The following UBE2G1 variants were observed in gnomAD, a reference collection of about 807,000 sequenced individuals.
UBE2G1 encodes ubiquitin-conjugating enzyme E2 G1.
A neutral mutation model predicts 22.7 loss-of-function variants in UBE2G1; 5 were observed. The ratio of observed to expected loss-of-function variants is 0.22; its 90% confidence interval spans 0.12 to 0.46. The LOEUF (loss-of-function observed/expected upper bound fraction) is 0.46, where lower values mean the gene tolerates loss of function less well. Among genes scored for constraint, UBE2G1 ranks in the 20% least tolerant of loss-of-function variants. The pLI is 0.99. For missense variants in UBE2G1, 88 were observed against 203.9 expected, an observed-to-expected ratio of 0.43 and a Z score of 3.46; for synonymous variants, 74 against 67.5, an observed-to-expected ratio of 1.10 and a Z score of -0.47.
intron 3 of UBE2G1, among the ~76,000 whole-genome samples, chr17:4,290,686 G>A (rs1338988194): frequency 2.2e-5 from 3 of 138,740 alleles, no homozygotes; most frequent in African/African-American, 5.2e-5. Context: ...TCACTATGTT[G>A]CCCAGGCTGG....
rs770085725 is a variant in UBE2G1 at position 4,282,799 on chromosome 17, C to T, written c.*36G>A. 6 of 1,571,786 alleles carry T rather than the reference C, an allele frequency of 3.8e-6. No homozygotes were observed. The highest frequency in any genetic ancestry group is 1.8e-5 in the Admixed American group (1 of 54,878). On this transcript the variant is annotated splice_region_variant and 3_prime_UTR_variant, in exon 5 of 6. Transcript: ENST00000396981. ...GTATGATATTTAAAATAAACTTACC[C>T]TGAAATAAGTGAAGTTACTAGCTGC...
At chr17:4,311,882 A>G (rs182636595) in intron 1 of UBE2G1, among the ~76,000 whole-genome samples, 1 of 152,308 alleles carries the variant, frequency 6.6e-6, no homozygotes, top group East Asian at 1.9e-4. Context: ...GAGGTTTGTC[A>G]AGAGAGGGGA....
intron 1 of UBE2G1, among the ~76,000 whole-genome samples, chr17:4,311,218 C>A (rs538564033): frequency 2.5e-3 from 383 of 152,184 alleles, no homozygotes; most frequent in African/African-American, 8.7e-3. Context: ...CAGAGCCAGA[C>A]CTTGTCTCAG....
intron 1 of UBE2G1, among the ~76,000 whole-genome samples, chr17:4,321,130 A>T (rs1969432220): frequency 6.6e-6 from 1 of 152,132 alleles, no homozygotes; most frequent in Non-Finnish European, 1.5e-5. Flanking sequence ...AGCCTGAACA[A>T]TAGAGGAAGA....
At chr17:4,359,127 T>A (rs1032944059) in intron 1 of UBE2G1, among the ~76,000 whole-genome samples, 37 of 152,194 alleles carry the variant, frequency 2.4e-4, no homozygotes, top group Non-Finnish European at 3.2e-4. Flanking sequence ...AGAACTTTTT[T>A]AAAAATTCCT....
intron 4 of UBE2G1, 31 bp downstream of exon 4, chr17:4,289,188 CAAGGGAAAGTG>C: frequency 6.8e-7 from 1 of 1,465,590 alleles, no homozygotes; most frequent in East Asian, 2.5e-5. Flanking sequence ...GGTTTTATTA[CAAGGGAAAGTG>C]AAGGGAAGGG....
chr17:4,352,223 G>A (rs1239699562), intron 1 of UBE2G1, among the ~76,000 whole-genome samples: 1 of 152,012 alleles, frequency 6.6e-6, no homozygotes, highest in Non-Finnish European at 1.5e-5. Context: ...TCTCTATGTA[G>A]ATCTAATTTA....
At position 4,362,359 on chromosome 17, in the gene UBE2G1, G is replaced by A. The variant is rs1206253279; in HGVS notation, c.46+3912C>T. ...TCTGGGATGATTTTGTCCCTCAGGAGACATTTGGCAATGGAGACATTTATG... is the reference window on the plus strand; with the variant it reads ...TCTGGGATGATTTTGTCCCTCAGGAAACATTTGGCAATGGAGACATTTATG... On this transcript the variant is annotated intron_variant, in intron 1 of 5. Coordinates refer to ENST00000396981, the MANE Select transcript of UBE2G1 (RefSeq NM_003342.5). 2.0e-5 allele frequency among the ~76,000 whole-genome samples: 3 copies of A among 152,304 alleles called. No individual in the cohort carries two copies. The East Asian group carries it at 5.8e-4, about 29-fold the overall frequency.
intron 1 of UBE2G1, among the ~76,000 whole-genome samples, chr17:4,329,414 C>T (rs1210670815): frequency 6.6e-6 from 1 of 151,186 alleles, no homozygotes; most frequent in Non-Finnish European, 1.5e-5. Context: ...AAAAATTAGC[C>T]GGGCATGGTG....
intron 1 of UBE2G1, among the ~76,000 whole-genome samples, chr17:4,338,559 T>A (rs898403145): frequency 2.6e-5 from 4 of 152,242 alleles, no homozygotes; most frequent in African/African-American, 9.6e-5. Context: ...TAAACTATCC[T>A]ATGAAACAGA....
intron 1 of UBE2G1, among the ~76,000 whole-genome samples, chr17:4,327,355 C>A (rs144491706): frequency 6.6e-6 from 1 of 151,996 alleles, no homozygotes; most frequent in East Asian, 1.9e-4. Flanking sequence ...CACCCCTAAT[C>A]CAGCTACTTG....
At chr17:4,337,610 G>A (rs1189883132) in intron 1 of UBE2G1, among the ~76,000 whole-genome samples, 1 of 148,382 alleles carries the variant, frequency 6.7e-6, no homozygotes, top group Non-Finnish European at 1.5e-5. Flanking sequence ...CTGAAATCAC[G>A]CCACTGCACT....
chr17:4,298,551 A>T (rs1969137385), intron 2 of UBE2G1, among the ~76,000 whole-genome samples: 1 of 152,234 alleles, frequency 6.6e-6, no homozygotes, highest in Non-Finnish European at 1.5e-5. Context: ...TTAAGTTTAA[A>T]AAAAGAGACA....
At chr17:4,309,103 T>C (rs368693828) in intron 1 of UBE2G1, among the ~76,000 whole-genome samples, 30 of 152,030 alleles carry the variant, frequency 2.0e-4, no homozygotes, top group African/African-American at 6.8e-4. Context: ...TTAGTAAAAA[T>C]ACAAAAATTG....
At chr17:4,281,312 A>C (rs892297763) in intron 5 of UBE2G1, among the ~76,000 whole-genome samples, 1 of 152,246 alleles carries the variant, frequency 6.6e-6, no homozygotes, top group South Asian at 2.1e-4. Context: ...ACATATAAAC[A>C]GTTCAAAATC....
intron 1 of UBE2G1, among the ~76,000 whole-genome samples, chr17:4,315,229 A>G (rs1013355492): frequency 2.0e-5 from 3 of 152,120 alleles, no homozygotes; most frequent in African/African-American, 7.2e-5. Flanking sequence ...GGCCCATTAT[A>G]CCTATCTGTC....
chr17:4,276,713 CTG>C (rs1968825861), intron 5 of UBE2G1, among the ~76,000 whole-genome samples: 1 of 152,172 alleles, frequency 6.6e-6, no homozygotes, highest in South Asian at 2.1e-4. Flanking sequence ...AGTACTTATT[CTG>C]GGTCAAGTTC....
chr17:4,299,251 C>G (rs182325935), intron 2 of UBE2G1, among the ~76,000 whole-genome samples: 1 of 152,022 alleles, frequency 6.6e-6, no homozygotes, highest in Non-Finnish European at 1.5e-5. Context: ...TTACAGAAAA[C>G]AGCCAAACAT....
At chr17:4,339,107 AC>A (rs1969682640) in intron 1 of UBE2G1, among the ~76,000 whole-genome samples, 1 of 152,220 alleles carries the variant, frequency 6.6e-6, no homozygotes, top group Non-Finnish European at 1.5e-5. Context: ...AACAACAGTA[AC>A]AACGAACGCT....
Sources: gnomAD v4.1 joint callset for allele counts (sites outside exome capture counted in the v4.1 genomes callset) on GRCh38, gnomAD v4.1.1 for gene constraint, MANE v1.5 for transcripts, NCBI Gene and HGNC (gene_info 2026-07-23, HGNC 2026-07-21) for gene names.